EMILIN2: variants seen among roughly 807,000 people sequenced by gnomAD.
The protein encoded by EMILIN2 is elastin microfibril interfacer 2.
In EMILIN2, 71 loss-of-function variants were observed where a neutral mutation model predicts 87.1. That is an observed-to-expected ratio of 0.82 (90% CI 0.67 to 0.99). EMILIN2 has a LOEUF of 0.99. EMILIN2 is among the 50% of genes least tolerant of loss of function. EMILIN2 has a pLI of 0.00. For missense variants in EMILIN2, 1,407 were observed against 1,371.8 expected (o/e 1.03, Z -0.40); for synonymous variants, 581 against 563.4 (o/e 1.03, Z -0.44).
At chr18:2,907,113 G>A (rs902715889) in intron 5 of EMILIN2, 28 bp downstream of exon 5, 1 of 1,231,412 alleles carries the variant, frequency 8.1e-7, no homozygotes, top group Admixed American at 4.2e-5. Flanking sequence ...GCGGGGAGGA[G>A]CGCGGGGCTC....
chr18:2,892,456 C>T lies in EMILIN2; in HGVS notation c.2329C>T (p.Gln777Ter), dbSNP rs1167469969. The change falls in exon 4 of 8, where the codon CAA becomes TAA. Residue 777 changes from glutamine (Q) to a stop codon, truncating the protein, a stop_gained. Transcript: ENST00000254528. LOFTEE classifies it high-confidence loss of function. ...SHVFQISTDL[Q>*]DLVKFQPSAK... is the part of the protein sequence containing the mutation. ...CGTCTTCCAGATTTCTACTGATTTGCAAGATCTGGTCAAATTTCAGCCATC... is the reference window on the plus strand; with the variant it reads ...CGTCTTCCAGATTTCTACTGATTTGTAAGATCTGGTCAAATTTCAGCCATC... 3 of 1,602,212 alleles carry T rather than the reference C, an allele frequency of 1.9e-6. No individual in the cohort carries two copies. The Admixed American group carries it at 5.0e-5, about 27-fold the overall frequency.
chr18:2,876,615 A>G (rs1384143065), intron 2 of EMILIN2, among the ~76,000 whole-genome samples: 4 of 134,146 alleles, frequency 3.0e-5, no homozygotes, highest in Non-Finnish European at 3.3e-5. Context: ...AAATACAAAA[A>G]ATTAGCCGGG....
rs545509177 is a variant in EMILIN2, at chr18:2,880,627, G to A, written c.258-4337G>A. On this transcript the variant is annotated intron_variant, in intron 2 of 7. Coordinates refer to ENST00000254528, the MANE Select transcript of EMILIN2 (RefSeq NM_032048.3). The surrounding 1 kb of genome is among the most constrained non-coding windows in gnomAD (Gnocchi z 4.1). ...CCCTCCAGCGCTGCGCAGCCCCGCCGCCTTAACTTTTCCTCTGGCTGCGGG... is the reference window on the plus strand; with the variant it reads ...CCCTCCAGCGCTGCGCAGCCCCGCCACCTTAACTTTTCCTCTGGCTGCGGG... Among the ~76,000 whole-genome samples, 8 of 152,194 alleles carry A rather than the reference G, an allele frequency of 5.3e-5. No homozygotes were observed. Among genetic ancestry groups the A allele is most frequent in the South Asian group, 2.1e-4 (1 of 4,832 alleles).
intron 2 of EMILIN2, among the ~76,000 whole-genome samples, chr18:2,857,016 C>G (rs930727134): frequency 6.6e-6 from 1 of 152,112 alleles, no homozygotes; most frequent in African/African-American, 2.4e-5. Flanking sequence ...GAGCCAAATT[C>G]CTGGTTCGAA....
chr18:2,876,729 G>A (rs948462016), intron 2 of EMILIN2, among the ~76,000 whole-genome samples: 6 of 152,050 alleles, frequency 3.9e-5, no homozygotes, highest in African/African-American at 1.4e-4. Context: ...TAGTGCCACT[G>A]CACTCCAGCC....
rs1236083643 is a variant in EMILIN2, at chr18:2,848,371, A to C, written c.257+440A>C. On this transcript the variant is annotated intron_variant, in intron 2 of 7. Transcript: ENST00000254528. This position sits in a 1 kb window ranked among gnomAD's most constrained non-coding sequence, Gnocchi z 4.1. Reference sequence around the variant, plus strand: ...AGAGGTTTGGCTAAGTAGTGTTCTAAAACGAGTGAGTTCTGTCCGTATGTC... The same window carrying C: ...AGAGGTTTGGCTAAGTAGTGTTCTACAACGAGTGAGTTCTGTCCGTATGTC... 6.6e-6 allele frequency among the ~76,000 whole-genome samples: 1 copy of C among 152,152 alleles called. No homozygotes were observed. Among genetic ancestry groups the C allele is most frequent in the Non-Finnish European group, 1.5e-5 (1 of 68,026 alleles).
chr18:2,908,830 T>G (rs933676384), intron 5 of EMILIN2, 113 bp from the exon 6 acceptor site: 2 of 1,240,540 alleles, frequency 1.6e-6, no homozygotes, highest in South Asian at 1.2e-5. Flanking sequence ...TCTGTTTCTA[T>G]AGTAGTGAAG....
At chr18:2,885,550 G>A (rs567531167) in intron 3 of EMILIN2, among the ~76,000 whole-genome samples, 11 of 152,198 alleles carry the variant, frequency 7.2e-5, no homozygotes, top group African/African-American at 1.7e-4. Context: ...ATGGAGTCTC[G>A]CTCTGTCGCC....
rs1404046727 is a variant in EMILIN2 at position 2,913,210 on chromosome 18, C to G, written c.2968C>G (p.Leu990Val). The G allele has an allele frequency of 6.2e-7, 1 of 1,613,946 alleles. No homozygotes were observed. Among genetic ancestry groups the G allele is most frequent in the East Asian group, 2.2e-5 (1 of 44,866 alleles). ...TACCGCTGGGTACAGGAGAGAGTTCCTGGAATACCACCGCCCTCCAGGAGC... is the reference window on the plus strand; with the variant it reads ...TACCGCTGGGTACAGGAGAGAGTTCGTGGAATACCACCGCCCTCCAGGAGC... ...LHTAGYRREF[L>V]EYHRPPGALH... Residue 990 changes from leucine to valine, a missense_variant, in exon 8 of 8, where the codon CTG becomes GTG. By Grantham distance (32) the Leu-to-Val change is conservative (BLOSUM62 1). Coordinates refer to ENST00000254528, the MANE Select transcript of EMILIN2 (RefSeq NM_032048.3).
intron 2 of EMILIN2, among the ~76,000 whole-genome samples, chr18:2,871,612 G>A (rs994073842): frequency 1.7e-4 from 26 of 152,182 alleles, no homozygotes; most frequent in African/African-American, 3.4e-4. Context: ...GGCACTGAGC[G>A]GGGATCTGTG....
At chr18:2,858,006 C>T (rs1231135114) in intron 2 of EMILIN2, among the ~76,000 whole-genome samples, 1 of 152,202 alleles carries the variant, frequency 6.6e-6, no homozygotes, top group African/African-American at 2.4e-5. Flanking sequence ...CACAGATCTC[C>T]TTCTCACGGC....
intron 2 of EMILIN2, among the ~76,000 whole-genome samples, chr18:2,870,692 A>C (rs1310555366): frequency 6.6e-6 from 1 of 152,228 alleles, no homozygotes; most frequent in Non-Finnish European, 1.5e-5. Flanking sequence ...CTTCTAGTTG[A>C]ATATATGCAG....
At chr18:2,887,113 A>G (rs2076806990) in intron 3 of EMILIN2, among the ~76,000 whole-genome samples, 1 of 152,172 alleles carries the variant, frequency 6.6e-6, no homozygotes, top group African/African-American at 2.4e-5. Flanking sequence ...ACTATTTTTT[A>G]TTCTAGCTTC....
chr18:2,849,997 G>A (rs978319277), intron 2 of EMILIN2, among the ~76,000 whole-genome samples: 3 of 152,104 alleles, frequency 2.0e-5, no homozygotes, highest in African/African-American at 7.2e-5. Context: ...CGTGATCTTG[G>A]CTCACTGCAA....
intron 2 of EMILIN2, among the ~76,000 whole-genome samples, chr18:2,858,270 T>C (rs1370646313): frequency 6.6e-6 from 1 of 151,560 alleles, no homozygotes; most frequent in Non-Finnish European, 1.5e-5. Context: ...ACTTGAGCAG[T>C]ATACACGGAA....
At chr18:2,852,562 A>C (rs2076606714) in intron 2 of EMILIN2, among the ~76,000 whole-genome samples, 1 of 152,230 alleles carries the variant, frequency 6.6e-6, no homozygotes, top group Non-Finnish European at 1.5e-5. Context: ...TCTATTGCCC[A>C]GGCTGGAGCG....
intron 2 of EMILIN2, among the ~76,000 whole-genome samples, chr18:2,857,968 G>T (rs996503046): frequency 3.9e-5 from 6 of 152,130 alleles, no homozygotes; most frequent in African/African-American, 1.4e-4. Context: ...CTGTTGCATT[G>T]CTGCTGAAAA....
In EMILIN2 at chr18:2,847,117, A is replaced by G. The variant is rs900499469; in HGVS notation, c.-72A>G. The G allele has an allele frequency of 1.6e-5, 17 of 1,075,148 alleles. No homozygotes were observed. The Admixed American group carries it at 2.5e-4, about 16-fold the overall frequency. 66.6% of individuals were successfully genotyped at this position (1,075,148 alleles called of 1,614,324 possible). ...CGCGGGCGGCGCCCTGGCCGCCGGCAGCCTTGTGGCCGGTGCCCCGATCCG... is the reference window on the plus strand; with the variant it reads ...CGCGGGCGGCGCCCTGGCCGCCGGCGGCCTTGTGGCCGGTGCCCCGATCCG... On this transcript the variant is annotated 5_prime_UTR_variant, in exon 1 of 8. Coordinates refer to ENST00000254528, the MANE Select transcript of EMILIN2 (RefSeq NM_032048.3). The surrounding 1 kb of genome is among the most constrained non-coding windows in gnomAD (Gnocchi z 4.5).
chr18:2,880,734 G>A lies in EMILIN2; in HGVS notation c.258-4230G>A, dbSNP rs1598494577. Among the ~76,000 whole-genome samples, 2 of 152,150 alleles carry A rather than the reference G, an allele frequency of 1.3e-5. No individual in the cohort carries two copies. Among genetic ancestry groups the A allele is most frequent in the East Asian group, 1.9e-4 (1 of 5,192 alleles). ...AGCATCTCCCGTGTGCTCACAGCCCGGGGCCCCTGGGGATGCTTGGGCCGC... is the reference window on the plus strand; with the variant it reads ...AGCATCTCCCGTGTGCTCACAGCCCAGGGCCCCTGGGGATGCTTGGGCCGC... On this transcript the variant is annotated intron_variant, in intron 2 of 7. Coordinates refer to ENST00000254528, the MANE Select transcript of EMILIN2 (RefSeq NM_032048.3). The surrounding 1 kb of genome is among the most constrained non-coding windows in gnomAD (Gnocchi z 4.1).
Sources: allele counts gnomAD v4.1 joint callset (sites outside exome capture counted in the v4.1 genomes callset), GRCh38; gene constraint gnomAD v4.1.1; non-coding constraint Gnocchi (gnomAD v3.1); transcripts MANE v1.5; gene names NCBI Gene and HGNC (gene_info 2026-07-23, HGNC 2026-07-21).